The following BZW1 variants were observed in gnomAD, a reference collection of about 807,000 sequenced individuals.
BZW1 encodes the protein basic leucine zipper and W2 domains 1.
In BZW1, 3 loss-of-function variants were observed where a neutral mutation model predicts 54.1. The ratio of observed to expected loss-of-function variants is 0.06; its 90% confidence interval spans 0.03 to 0.14. The LOEUF is 0.14. Ranked by LOEUF, BZW1 falls within the 10% of genes least tolerant of loss-of-function variation. BZW1 has a pLI of 1.00. For missense variants in BZW1, 206 were observed against 491.7 expected, an observed-to-expected ratio of 0.42 and a Z score of 5.50; for synonymous variants, 152 against 162.7, an observed-to-expected ratio of 0.93 and a Z score of 0.50.
At chr2:200,819,421 C>A (rs2038420647) in intron 9 of BZW1, among the ~76,000 whole-genome samples, 1 of 152,018 alleles carries the variant, frequency 6.6e-6, no homozygotes, top group South Asian at 2.1e-4. Context: ...GGAACTTCAG[C>A]TTGTAATTAG....
At chr2:200,817,550 A>T (rs1364777049) in intron 6 of BZW1, among the ~76,000 whole-genome samples, 1 of 152,150 alleles carries the variant, frequency 6.6e-6, no homozygotes, top group African/African-American at 2.4e-5. Flanking sequence ...GGAGAAGATG[A>T]CGTTTGGGGA....
chr2:200,820,209 A>G lies in BZW1; in HGVS notation c.1105+89A>G, dbSNP rs1178717264. ...CCAAATGATGAGTTATCTGGACATC[A>G]GCTCCCTGAAATATTTTACTTCTAG... is the stretch of plus-strand genomic sequence containing the variant. On this transcript the variant is annotated intron_variant, in intron 10 of 11. Transcript: ENST00000409600. 4 of 1,186,230 alleles carry G rather than the reference A, an allele frequency of 3.4e-6. No individual in the cohort carries two copies. The African/African-American group carries it at 6.3e-5, about 19-fold the overall frequency. 73.5% of individuals were successfully genotyped at this position (1,186,230 alleles called of 1,614,324 possible). A position where few individuals can be genotyped will look rare whatever the true frequency, so the allele number is the denominator to read the frequency against.
rs1229679088 is a variant in BZW1, at chr2:200,825,536, A to G, written c.*3358A>G. ...GGTCAATAGAAAGTAGACGAAATTCATTTTCAGCCAATCTTTCACCAGTTG... is the reference window on the plus strand; with the variant it reads ...GGTCAATAGAAAGTAGACGAAATTCGTTTTCAGCCAATCTTTCACCAGTTG... On this transcript the variant is annotated 3_prime_UTR_variant, in exon 12 of 12. Transcript: ENST00000409600. 1 of 152,150 alleles carries G rather than the reference A, an allele frequency of 6.6e-6. No homozygotes were observed. The highest frequency in any genetic ancestry group is 1.9e-4 in the East Asian group (1 of 5,194). 9.4% of individuals were successfully genotyped at this position (152,150 alleles called of 1,614,324 possible).
rs1421639066 is a variant in BZW1 at position 200,824,089 on chromosome 2, C to G, written c.*1911C>G. On this transcript the variant is annotated 3_prime_UTR_variant, in exon 12 of 12. Coordinates refer to ENST00000409600, the MANE Select transcript of BZW1 (RefSeq NM_001207067.2). ...TGTGTATAGTGAAAAAGTGTGTCAT[C>G]TTCCAGAACTACATTATTATCTTTG... 6.6e-6 allele frequency: 1 copy of G among 152,124 alleles called. No homozygotes were observed. The highest frequency in any genetic ancestry group is 1.5e-5 in the Non-Finnish European group (1 of 68,016). The allele number at this position is 152,124 out of a possible 1,614,324, so 9.4% of individuals were successfully genotyped here. A position where few individuals can be genotyped will look rare whatever the true frequency, so the allele number is the denominator to read the frequency against.
In BZW1 at chr2:200,823,809, T is replaced by TA. The variant is rs1559317123; in HGVS notation, c.*1638dup. 1.3e-5 allele frequency: 2 copies of TA among 152,428 alleles called. No homozygotes were observed. The highest frequency in any genetic ancestry group is 4.8e-5 in the African/African-American group (2 of 41,384). The allele number at this position is 152,428 out of a possible 1,614,324, so 9.4% of individuals were successfully genotyped here. On this transcript the variant is annotated 3_prime_UTR_variant, in exon 12 of 12. Coordinates refer to ENST00000409600, the MANE Select transcript of BZW1 (RefSeq NM_001207067.2). ...TTGTAGTTCTCAAAAGACTTTTTTT[T>TA]AAAAAAATAAAGTCCATACTTACAC...
At chr2:200,815,598 A>G (rs1038357395) in intron 3 of BZW1, 69 bp from the exon 4 acceptor site, 10 of 1,594,302 alleles carry the variant, frequency 6.3e-6, no homozygotes, top group African/African-American at 5.4e-5. Context: ...AATATGAACT[A>G]TTTGGCAAAC....
At chr2:200,821,580 A>G (rs922673944) in intron 11 of BZW1, among the ~76,000 whole-genome samples, 2 of 151,770 alleles carry the variant, frequency 1.3e-5, no homozygotes, top group African/African-American at 4.8e-5. Context: ...AATTAAAAAT[A>G]TAGAGACAGA....
At chr2:200,813,376 CAAA>C (rs1270987472) in intron 2 of BZW1, 95 bp downstream of exon 2, 1 of 1,096,822 alleles carries the variant, frequency 9.1e-7, no homozygotes, top group African/African-American at 1.6e-5. Flanking sequence ...ACTAAAGCCT[CAAA>C]AGAAGATACC....
At chr2:200,815,317 G>A in intron 2 of BZW1, 24 bp from the exon 3 acceptor site, 4 of 1,572,272 alleles carry the variant, frequency 2.5e-6, no homozygotes, top group Non-Finnish European at 3.5e-6. Flanking sequence ...AAAACTAAAT[G>A]TTTTGGGTCC....
intron 10 of BZW1, among the ~76,000 whole-genome samples, chr2:200,820,697 C>A (rs1474852867): frequency 1.3e-5 from 2 of 151,584 alleles, no homozygotes; most frequent in Non-Finnish European, 1.5e-5. Flanking sequence ...AAAAAAAAAT[C>A]CCCAAGTCCC....
rs1575053274 is a variant in BZW1, at chr2:200,817,126, T to G, written c.423T>G (p.Gly141=). The G allele has an allele frequency of 6.2e-7, 1 of 1,613,740 alleles. No individual in the cohort carries two copies. The change falls in exon 6 of 12, where the codon GGT becomes GGG. Residue 141 remains glycine (G), a synonymous_variant. Coordinates refer to ENST00000409600, the MANE Select transcript of BZW1 (RefSeq NM_001207067.2). The stretch of plus-strand genomic sequence containing the variant: ...TACAGCTGCTGCTGTTCTTGAAGGG[T>G]TTTTCAGAGTCGGAGAGGAACAAGC... The part of the protein sequence containing the change: ...EVKKLLLFLK[G]FSESERNKLA...
intron 4 of BZW1, 113 bp downstream of exon 4, chr2:200,815,874 A>C (rs959513905): frequency 9.5e-7 from 1 of 1,049,000 alleles, no homozygotes; most frequent in African/African-American, 1.6e-5. Flanking sequence ...TTTGATTTTA[A>C]ATTTTAGGGA....
intron 8 of BZW1, 69 bp downstream of exon 8, chr2:200,818,462 AACTT>A (rs2038374413): frequency 4.8e-5 from 73 of 1,508,588 alleles, no homozygotes; most frequent in South Asian, 3.9e-4. Flanking sequence ...TAATTTGAGG[AACTT>A]ACTTCACCAG....
At chr2:200,820,427 C>G (rs562049306) in intron 10 of BZW1, among the ~76,000 whole-genome samples, 2 of 152,250 alleles carry the variant, frequency 1.3e-5, no homozygotes, top group South Asian at 4.1e-4. Flanking sequence ...TACTTGTGAC[C>G]CCAACACTTT....
chr2:200,817,470 A>G (rs1431605809), intron 6 of BZW1, among the ~76,000 whole-genome samples: 6 of 152,208 alleles, frequency 3.9e-5, no homozygotes, highest in Admixed American at 2.6e-4. Context: ...AAATGTTGTT[A>G]TATGTAATAA....
chr2:200,822,042 C>T (rs2038542339), intron 11 of BZW1, 105 bp from the exon 12 acceptor site: 3 of 1,093,246 alleles, frequency 2.7e-6, no homozygotes, highest in Non-Finnish European at 4.1e-6. Context: ...GCATTCCGGC[C>T]TGTGGGACAG....
At chr2:200,815,541 TTAA>T in intron 3 of BZW1, 24 bp downstream of exon 3, 3 of 1,612,748 alleles carry the variant, frequency 1.9e-6, no homozygotes, top group South Asian at 1.1e-5. Flanking sequence ...GTTTGTGGGC[TTAA>T]TAATTTAGAA....
intron 10 of BZW1, among the ~76,000 whole-genome samples, chr2:200,820,464 G>C (rs1163484951): frequency 6.6e-6 from 1 of 152,156 alleles, no homozygotes; most frequent in African/African-American, 2.4e-5. Context: ...AGGATCGCTT[G>C]AGCCCAAGAG....
intron 10 of BZW1, among the ~76,000 whole-genome samples, chr2:200,820,798 C>A (rs1187961468): frequency 6.6e-6 from 1 of 152,218 alleles, no homozygotes; most frequent in Non-Finnish European, 1.5e-5. Context: ...CTTACTCCCC[C>A]ACCCAGTGTT....
Sources: allele counts gnomAD v4.1 joint callset (sites outside exome capture counted in the v4.1 genomes callset), GRCh38; gene constraint gnomAD v4.1.1; transcripts MANE v1.5; gene names NCBI Gene and HGNC (gene_info 2026-07-23, HGNC 2026-07-21).